CELSR2: variants seen among roughly 807,000 people sequenced by gnomAD.
The protein encoded by CELSR2 is EGF-like protein 2.
In CELSR2, 81 loss-of-function variants were observed where a neutral mutation model predicts 251.6. That is an observed-to-expected ratio of 0.32 (90% CI 0.27 to 0.39). CELSR2 has a LOEUF of 0.39. CELSR2 is among the 10% of genes least tolerant of loss of function. CELSR2 has a pLI of 1.00. For missense variants in CELSR2, 3,365 were observed against 3,947.7 expected, an observed-to-expected ratio of 0.85 and a Z score of 3.96; for synonymous variants, 1,721 against 1,670.5, an observed-to-expected ratio of 1.03 and a Z score of -0.74.
At position 109,270,000 on chromosome 1, in the gene CELSR2, T is replaced by A. The variant is rs1286818660; in HGVS notation, c.7175T>A (p.Leu2392Gln). 1 of 1,614,060 alleles carries A rather than the reference T, an allele frequency of 6.2e-7. No individual in the cohort carries two copies. Among genetic ancestry groups the A allele is most frequent in the Non-Finnish European group, 8.5e-7 (1 of 1,180,032 alleles). ...CTAGGTGTCACCTTGGCTGCCCTTC[T>A]GCTCACCTTCTTCTTCCTCACTCTC... is the stretch of plus-strand genomic sequence containing the variant. ...VALGVTLAAL[L>Q]LTFFFLTLLR... Residue 2392 changes from leucine to glutamine, a missense_variant, in exon 23 of 34, where the codon CTG becomes CAG. Leu to Gln is a moderately radical substitution (Grantham distance 113). Transcript: ENST00000271332. The surrounding 1 kb of genome is among the most constrained non-coding windows in gnomAD (Gnocchi z 6.4).
At chr1:109,260,149 A>C in intron 2 of CELSR2, among the ~76,000 whole-genome samples, 1 of 78,890 alleles carries the variant, frequency 1.3e-5, no homozygotes, top group Non-Finnish European at 2.4e-5. Flanking sequence ...AGGGGAGAGA[A>C]GTCTTTGTCC....
At chr1:109,273,060 C>T (rs1438486170) in intron 31 of CELSR2, 33 bp downstream of exon 31, 3 of 1,597,200 alleles carry the variant, frequency 1.9e-6, no homozygotes, top group East Asian at 4.5e-5. Context: ...GCCTTTGGGG[C>T]CAGTGGGAGG....
At chr1:109,270,846 C>A in intron 24 of CELSR2, 81 bp from the exon 25 acceptor site, 1 of 1,094,078 alleles carries the variant, frequency 9.1e-7, no homozygotes, top group South Asian at 1.4e-5. Flanking sequence ...ATGCCTGGCC[C>A]TGTGAGCCCA....
Position 109,261,081 on chromosome 1 carries a change from C to A in CELSR2, c.3998C>A (p.Thr1333Asn), listed in dbSNP as rs1197003431. Reference sequence around the variant, plus strand: ...GTGAGTGCTCGCTCAGGCCGTTGCACCCCGGGTGTCTGCAAGAATGGGGGC... The same window carrying A: ...GTGAGTGCTCGCTCAGGCCGTTGCAACCCGGGTGTCTGCAAGAATGGGGGC... ...CEVSARSGRC[T>N]PGVCKNGGTC... The change falls in exon 3 of 34, where the codon ACC becomes AAC. Residue 1333 changes from threonine (T) to asparagine (N), a missense_variant. Thr to Asn is a moderately conservative substitution (Grantham distance 65). Transcript: ENST00000271332. This position sits in a 1 kb window ranked among gnomAD's most constrained non-coding sequence, Gnocchi z 4.8. 6.2e-7 allele frequency: 1 copy of A among 1,613,996 alleles called. No individual in the cohort carries two copies. Among genetic ancestry groups the A allele is most frequent in the Non-Finnish European group, 8.5e-7 (1 of 1,179,952 alleles).
chr1:109,266,316 C>G, intron 15 of CELSR2, 110 bp downstream of exon 15: 1 of 1,308,878 alleles, frequency 7.6e-7, no homozygotes, highest in African/African-American at 1.5e-5. Flanking sequence ...TTCTGGCCTC[C>G]AGGTCCTGGG....
At chr1:109,256,480 G>T (rs555904847) in intron 1 of CELSR2, among the ~76,000 whole-genome samples, 112 of 152,150 alleles carry the variant, frequency 7.4e-4, no homozygotes, top group Admixed American at 2.0e-4. Context: ...CTGAGCCACC[G>T]CTGGTACAGT....
At chr1:109,259,167 C>A in intron 2 of CELSR2, 88 bp downstream of exon 2, 1 of 1,190,596 alleles carries the variant, frequency 8.4e-7, no homozygotes, top group Non-Finnish European at 1.2e-6. Context: ...TGGCGGCTGC[C>A]TCATTCTCTT....
At position 109,252,313 on chromosome 1, in the gene CELSR2, C is replaced by T. The variant is rs756997406; in HGVS notation, c.2234C>T (p.Ala745Val). 1 of 1,613,110 alleles carries T rather than the reference C, an allele frequency of 6.2e-7. No individual in the cohort carries two copies. The highest frequency in any genetic ancestry group is 1.1e-5 in the South Asian group (1 of 91,084). Residue 745 changes from alanine to valine, a missense_variant, in exon 1 of 34, where the codon GCC (alanine) becomes GTC (valine). Coordinates refer to ENST00000271332, the MANE Select transcript of CELSR2 (RefSeq NM_001408.3). This position sits in a 1 kb window ranked among gnomAD's most constrained non-coding sequence, Gnocchi z 4.8. ...SATDEDTGEN[A>V]RITYFMEDSI... ...ACGGATGAGGACACAGGTGAGAATG[C>T]CCGCATCACCTACTTCATGGAGGAC...
chr1:109,256,574 G>C (rs182664673), intron 1 of CELSR2, among the ~76,000 whole-genome samples: 110 of 152,296 alleles, frequency 7.2e-4, no homozygotes, highest in Admixed American at 1.8e-3. Flanking sequence ...AGAAACATGG[G>C]CTCCTGCCCC....
Position 109,265,850 on chromosome 1 carries a change from G to A in CELSR2, c.5843G>A (p.Gly1948Asp). The A allele has an allele frequency of 6.2e-7, 1 of 1,614,130 alleles. No homozygotes were observed. Among genetic ancestry groups the A allele is most frequent in the Non-Finnish European group, 8.5e-7 (1 of 1,180,032 alleles). The change falls in exon 14 of 34, where the codon GGT (glycine) becomes GAT (aspartate). Residue 1948 changes from glycine to aspartate, a missense_variant. By Grantham distance (94) the Gly-to-Asp change is moderately conservative. Transcript: ENST00000271332. ...GATGGCCAGTGTCCATGCAAGCCAG[G>A]TGTCATCGGGCGTCAGTGTGACCGC... is the stretch of plus-strand genomic sequence containing the variant. ...PEDGQCPCKP[G>D]VIGRQCDRCD...
rs535949095 is a variant in CELSR2 at position 109,259,813 on chromosome 1, C to T, written c.3958+734C>T. Among the ~76,000 whole-genome samples, 191 of 152,292 alleles carry T rather than the reference C, an allele frequency of 1.3e-3. 1 individual carries two copies. Among genetic ancestry groups the T allele is most frequent in the African/African-American group, 4.5e-3 (186 of 41,548 alleles). On this transcript the variant is annotated intron_variant, in intron 2 of 33. Transcript: ENST00000271332. ...CTGGTAAAAGAGGATCCTGGCTAGG[C>T]GGCTTCCCTGTTGGCCTGTCAGCCA...
rs773836944 is a variant in CELSR2 at position 109,261,919 on chromosome 1, G to T, written c.4386+23G>T. On this transcript the variant is annotated intron_variant, in intron 5 of 33. Transcript: ENST00000271332. This position sits in a 1 kb window ranked among gnomAD's most constrained non-coding sequence, Gnocchi z 4.8. Reference sequence around the variant, plus strand: ...AAGGTGGGTGTGGAGGGCACAGAGGGTTGGGGGTTCTGTTCTTGCCTCAGG... The same window carrying T: ...AAGGTGGGTGTGGAGGGCACAGAGGTTTGGGGGTTCTGTTCTTGCCTCAGG... The T allele has an allele frequency of 1.3e-5, 20 of 1,557,324 alleles. No homozygotes were observed. The highest frequency in any genetic ancestry group is 1.7e-5 in the Non-Finnish European group (20 of 1,148,776).
At position 109,269,418 on chromosome 1, in the gene CELSR2, C is replaced by T. The variant is rs1656301980; in HGVS notation, c.6813-6C>T. 7 of 1,613,174 alleles carry T rather than the reference C, an allele frequency of 4.3e-6. No individual in the cohort carries two copies. The highest frequency in any genetic ancestry group is 5.1e-6 in the Non-Finnish European group (6 of 1,179,660). On this transcript the variant is annotated splice_polypyrimidine_tract_variant and splice_region_variant and intron_variant, in intron 20 of 33. Coordinates refer to ENST00000271332, the MANE Select transcript of CELSR2 (RefSeq NM_001408.3). This position sits in a 1 kb window ranked among gnomAD's most constrained non-coding sequence, Gnocchi z 6.4. ...GGTGACTGTGCACCTGACTGCCCCA[C>T]ATCAGAGTCCCCAAACGCCCGATCA...
intron 17 of CELSR2, 46 bp from the exon 18 acceptor site, chr1:109,268,535 C>T (rs759513493): frequency 6.4e-7 from 1 of 1,552,382 alleles, no homozygotes; most frequent in Non-Finnish European, 8.7e-7. Context: ...GTGGGGATGT[C>T]AGGTGTGGGT....
At position 109,251,909 on chromosome 1, in the gene CELSR2, T is replaced by C. The variant is rs755601599; in HGVS notation, c.1830T>C (p.Phe610=). 20 of 1,613,960 alleles carry C rather than the reference T, an allele frequency of 1.2e-5. No individual in the cohort carries two copies. The highest frequency in any genetic ancestry group is 1.5e-5 in the Non-Finnish European group (18 of 1,180,004). ...ATGTCAACGACAACAATCCAACCTT[T>C]ACCCAACCAGAGTACACAGTGCGGC... The part of the protein sequence containing the change: ...VLDVNDNNPT[F]TQPEYTVRLN... The change falls in exon 1 of 34, where the codon TTT becomes TTC. Residue 610 remains phenylalanine, a synonymous_variant. Coordinates refer to ENST00000271332, the MANE Select transcript of CELSR2 (RefSeq NM_001408.3). This position sits in a 1 kb window ranked among gnomAD's most constrained non-coding sequence, Gnocchi z 4.9.
At chr1:109,262,624 A>C (rs1456375368) in intron 6 of CELSR2, among the ~76,000 whole-genome samples, 180 bp downstream of exon 6, 1 of 152,018 alleles carries the variant, frequency 6.6e-6, no homozygotes, top group East Asian at 1.9e-4. Flanking sequence ...CAGTCTGGGG[A>C]GGGGGCTGAG....
Position 109,272,411 on chromosome 1 carries a change from T to A in CELSR2, c.8054+6T>A. 6.2e-7 allele frequency: 1 copy of A among 1,604,650 alleles called. No individual in the cohort carries two copies. Among genetic ancestry groups the A allele is most frequent in the East Asian group, 2.2e-5 (1 of 44,686 alleles). The stretch of plus-strand genomic sequence containing the variant: ...TACATCCCCTTCTTGCTGAGGTGAA[T>A]CCCGGAGATGGGAGGGTGGAGGAGG... On this transcript the variant is annotated splice_donor_region_variant and intron_variant, in intron 29 of 33. Coordinates refer to ENST00000271332, the MANE Select transcript of CELSR2 (RefSeq NM_001408.3).
chr1:109,250,499 T>A lies in CELSR2; in HGVS notation c.420T>A (p.Ala140=). ...CCGAGGAGCACCCGTGCTTAAAGGCTCCACGGCTCAGATGCCAGTCCTGCA... is the reference window on the plus strand; with the variant it reads ...CCGAGGAGCACCCGTGCTTAAAGGCACCACGGCTCAGATGCCAGTCCTGCA... ...TLPEEHPCLK[A]PRLRCQSCKL... is the part of the protein sequence containing the mutation. The change falls in exon 1 of 34, where the codon GCT becomes GCA. Residue 140 remains alanine (A), a synonymous_variant. Transcript: ENST00000271332. This position sits in a 1 kb window ranked among gnomAD's most constrained non-coding sequence, Gnocchi z 4.4. 1 of 1,613,698 alleles carries A rather than the reference T, an allele frequency of 6.2e-7. No homozygotes were observed. Among genetic ancestry groups the A allele is most frequent in the Non-Finnish European group, 8.5e-7 (1 of 1,179,998 alleles).
rs112344399 is a variant in CELSR2, at chr1:109,261,579, T to C, written c.4248T>C (p.Phe1416=). The C allele has an allele frequency of 4.7e-3, 7,621 of 1,614,144 alleles. 298 individuals are homozygous for C. The African/African-American group carries it at 0.087, about 18-fold the overall frequency. The change falls in exon 4 of 34, where the codon TTT becomes TTC. Residue 1416 remains phenylalanine (F), a synonymous_variant. Transcript: ENST00000271332. This position sits in a 1 kb window ranked among gnomAD's most constrained non-coding sequence, Gnocchi z 4.8. The part of the protein sequence containing the change: ...YNGRFNEKHD[F]VALEVIQEQV... ...GGCGTTTCAATGAGAAGCATGACTT[T>C]GTGGCCCTCGAGGTGATCCAGGAGC... is the stretch of plus-strand genomic sequence containing the variant.
Sources: gnomAD v4.1 joint callset for allele counts (sites outside exome capture counted in the v4.1 genomes callset) on GRCh38, gnomAD v4.1.1 for gene constraint, Gnocchi (gnomAD v3.1) non-coding constraint, MANE v1.5 for transcripts, NCBI Gene and HGNC (gene_info 2026-07-23, HGNC 2026-07-21) for gene names.